Variants in LRRC20 observed in about 807,000 individuals in gnomAD.
The protein encoded by LRRC20 is leucine-rich repeat-containing protein 20.
LRRC20 carries 11 observed loss-of-function variants against 14.4 expected under a neutral mutation model. That is an observed-to-expected ratio of 0.77 (90% confidence interval 0.48 to 1.27). LRRC20 has a LOEUF of 1.27. Ranked by LOEUF, LRRC20 falls within the 50% of genes most tolerant of loss-of-function variation. The probability of loss-of-function intolerance (pLI) is 0.00; values close to 1 mark genes in which losing one functional copy is unlikely to be tolerated. For synonymous variants in LRRC20, 121 were observed against 107.3 expected, an observed-to-expected ratio of 1.13 and a Z score of -0.79; for missense variants, 219 against 251.2, an observed-to-expected ratio of 0.87 and a Z score of 0.87.
intron 4 of LRRC20, among the ~76,000 whole-genome samples, chr10:70,308,310 C>T (rs2136879862): frequency 6.6e-6 from 1 of 152,196 alleles, no homozygotes; most frequent in East Asian, 1.9e-4. Context: ...AGTAATTTTG[C>T]CTGGGGTCAC....
At chr10:70,309,923 C>T (rs1406165353) in intron 4 of LRRC20, among the ~76,000 whole-genome samples, 1 of 152,246 alleles carries the variant, frequency 6.6e-6, no homozygotes, top group Non-Finnish European at 1.5e-5. Flanking sequence ...AGCGGCACTG[C>T]CGGGGTCTCG....
Position 70,374,351 on chromosome 10 carries a change from C to CTTTTTTT in LRRC20, c.82+2094_82+2100dup, listed in dbSNP as rs57167315. Among the ~76,000 whole-genome samples the CTTTTTTT allele has an allele frequency of 4.5e-5, 6 of 133,186 alleles. 3 individuals carry two copies. Among genetic ancestry groups the CTTTTTTT allele is most frequent in the Non-Finnish European group, 3.2e-5 (2 of 61,754 alleles). The allele number at this position is 133,186 out of a possible 152,430, so 87.4% of individuals were successfully genotyped here. On this transcript the variant is annotated intron_variant, in intron 2 of 4. Coordinates refer to ENST00000446961, the MANE Select transcript of LRRC20 (RefSeq NM_001278212.2). ...GCTGTGTCCCTATCCCCTGTGAAGC[C>CTTTTTTT]TTTTTTTTTTTTTTTTGAGATGGAA...
chr10:70,320,033 G>A (rs1440700824), intron 4 of LRRC20, among the ~76,000 whole-genome samples: 1 of 152,152 alleles, frequency 6.6e-6, no homozygotes, highest in Admixed American at 6.6e-5. Flanking sequence ...CAGACTCAGG[G>A]GATTTGGCCA....
At chr10:70,347,918 C>A (rs1843139355) in intron 2 of LRRC20, among the ~76,000 whole-genome samples, 1 of 152,096 alleles carries the variant, frequency 6.6e-6, no homozygotes. Context: ...CGCAAGGCCA[C>A]ATTAGAGGAT....
intron 2 of LRRC20, among the ~76,000 whole-genome samples, chr10:70,372,109 C>A (rs1490929441): frequency 6.8e-6 from 1 of 146,290 alleles, no homozygotes; most frequent in Non-Finnish European, 1.5e-5. Context: ...GCCAGGGAAG[C>A]CTATGTCTCC....
At position 70,320,341 on chromosome 10, in the gene LRRC20, A is replaced by AGAT. The variant is rs1842031766; in HGVS notation, c.400+3519_400+3521dup. 2.7e-5 allele frequency among the ~76,000 whole-genome samples: 4 copies of AGAT among 148,448 alleles called. No individual in the cohort carries two copies. In the South Asian group the frequency reaches 8.6e-4, roughly 32 times the overall value. On this transcript the variant is annotated intron_variant, in intron 4 of 4. Transcript: ENST00000446961. ...TAGATAGATAGATAGATAGATAGAT[A>AGAT]GATAGATCTGTGCATGCACATAGTA...
chr10:70,332,326 T>A (rs980936245), intron 3 of LRRC20, among the ~76,000 whole-genome samples: 1 of 152,194 alleles, frequency 6.6e-6, no homozygotes, highest in Non-Finnish European at 1.5e-5. Context: ...TAAAATGAAG[T>A]ACTAAACATT....
intron 4 of LRRC20, 41 bp downstream of exon 4, chr10:70,323,822 T>C (rs1443613332): frequency 1.2e-6 from 2 of 1,609,056 alleles, no homozygotes; most frequent in African/African-American, 2.7e-5. Flanking sequence ...CATGAGCGCC[T>C]CGTGCAGCAG....
At position 70,300,634 on chromosome 10, in the gene LRRC20, C is replaced by T; in HGVS notation, c.*720G>A. 5.1e-6 allele frequency: 5 copies of T among 985,582 alleles called. No individual in the cohort carries two copies. The highest frequency in any genetic ancestry group is 6.0e-6 in the Non-Finnish European group (5 of 830,054). 61.1% of individuals were successfully genotyped at this position (985,582 alleles called of 1,614,324 possible). A position where few individuals can be genotyped will look rare whatever the true frequency, so the allele number is the denominator to read the frequency against. ...AGAGGGACGGAGCACTCAGGACTTC[C>T]CACCCCGCCAATTTGTTAACTGTGG... On this transcript the variant is annotated 3_prime_UTR_variant, in exon 5 of 5. Transcript: ENST00000446961.
intron 1 of LRRC20, chr10:70,381,400 C>T (rs138315954): frequency 2.0e-5 from 3 of 152,340 alleles, no homozygotes; most frequent in African/African-American, 7.2e-5. Context: ...GTCCCTATAA[C>T]CTGGTTTCAC....
At chr10:70,335,523 G>A (rs1842701433) in intron 3 of LRRC20, among the ~76,000 whole-genome samples, 1 of 152,232 alleles carries the variant, frequency 6.6e-6, no homozygotes, top group South Asian at 2.1e-4. Context: ...TCGCTTTGGA[G>A]GGCAGAAGGA....
At chr10:70,340,772 C>A in intron 2 of LRRC20, 70 bp from the exon 3 acceptor site, 1 of 1,533,494 alleles carries the variant, frequency 6.5e-7, no homozygotes, top group South Asian at 1.2e-5. Context: ...CCCAGACTCA[C>A]ACAGACCCCA....
intron 2 of LRRC20, among the ~76,000 whole-genome samples, chr10:70,362,712 G>C (rs1450108260): frequency 6.7e-6 from 1 of 149,888 alleles, no homozygotes; most frequent in African/African-American, 2.4e-5. Flanking sequence ...TGACCTCCCA[G>C]AGCAGCGTGC....
chr10:70,343,195 C>G (rs1345623086), intron 2 of LRRC20, among the ~76,000 whole-genome samples: 1 of 152,118 alleles, frequency 6.6e-6, no homozygotes, highest in Non-Finnish European at 1.5e-5. Context: ...TCATATAATG[C>G]GAACAAGACC....
chr10:70,374,988 A>G (rs745505512), intron 2 of LRRC20, among the ~76,000 whole-genome samples: 1 of 152,196 alleles, frequency 6.6e-6, no homozygotes, highest in South Asian at 2.1e-4. Context: ...AATCTGCTAC[A>G]GTACCAGGTG....
chr10:70,362,456 G>T (rs568737840), intron 2 of LRRC20, among the ~76,000 whole-genome samples: 1 of 152,244 alleles, frequency 6.6e-6, no homozygotes, highest in African/African-American at 2.4e-5. Flanking sequence ...AGAAGAAGCC[G>T]ATGAGGGTTT....
At chr10:70,308,414 C>A (rs1409592840) in intron 4 of LRRC20, among the ~76,000 whole-genome samples, 1 of 152,022 alleles carries the variant, frequency 6.6e-6, no homozygotes, top group African/African-American at 2.4e-5. Flanking sequence ...CGTAAACTGG[C>A]AGCCAGGTTC....
intron 4 of LRRC20, among the ~76,000 whole-genome samples, chr10:70,319,388 C>T (rs1841994382): frequency 1.3e-5 from 2 of 152,214 alleles, no homozygotes; most frequent in African/African-American, 4.8e-5. Context: ...CATCCACCTT[C>T]AAGTCATGTG....
At chr10:70,304,968 T>C (rs897126036) in intron 4 of LRRC20, among the ~76,000 whole-genome samples, 4 of 152,288 alleles carry the variant, frequency 2.6e-5, no homozygotes, top group South Asian at 2.1e-4. Flanking sequence ...GTGGATCACC[T>C]GAGGTCAGGA....
Sources: gnomAD v4.1 joint callset for allele counts (sites outside exome capture counted in the v4.1 genomes callset) on GRCh38, gnomAD v4.1.1 for gene constraint, MANE v1.5 for transcripts, NCBI Gene and HGNC (gene_info 2026-07-23, HGNC 2026-07-21) for gene names.